Variants in REG1A observed in about 807,000 individuals in gnomAD.
REG1A encodes regenerating family member 1 alpha, also known as lithostathine-1-alpha.
A neutral mutation model predicts 20.7 loss-of-function variants in REG1A; 20 were observed. The observed-to-expected ratio is 0.97, with a 90% CI of 0.68 to 1.41. REG1A has a LOEUF of 1.41. Ranked by LOEUF, REG1A falls within the 40% of genes most tolerant of loss-of-function variation. The pLI, the probability that REG1A is intolerant of heterozygous loss-of-function variation, is 0.00. For synonymous variants in REG1A, 90 were observed against 71.6 expected, an observed-to-expected ratio of 1.26 and a Z score of -1.30; for missense variants, 193 against 201.8, an observed-to-expected ratio of 0.96 and a Z score of 0.26.
rs758319248 is a variant in REG1A, at chr2:79,121,627, C to G, written c.130C>G (p.Arg44Gly). 7 of 1,613,914 alleles carry G rather than the reference C, an allele frequency of 4.3e-6. No homozygotes were observed. In the East Asian group the frequency reaches 1.3e-4, roughly 31 times the overall value. The change falls in exon 3 of 6, where the codon CGC becomes GGC. Residue 44 changes from arginine to glycine, a missense_variant. Coordinates refer to ENST00000233735, the MANE Select transcript of REG1A (RefSeq NM_002909.5). ...ISCPEGTNAY[R>G]SYCYYFNEDR... ...CTGCCCAGAAGGCACCAATGCCTATCGCTCCTACTGCTACTACTTTAATGA... is the reference window on the plus strand; with the variant it reads ...CTGCCCAGAAGGCACCAATGCCTATGGCTCCTACTGCTACTACTTTAATGA...
chr2:79,123,094 G>A, intron 5 of REG1A, 54 bp from the exon 6 acceptor site: 2 of 1,505,874 alleles, frequency 1.3e-6, no homozygotes, highest in Non-Finnish European at 9.2e-7. Context: ...CTAAAGCCAG[G>A]AGGGTCATAC....
chr2:79,120,947 C>T, intron 2 of REG1A, 22 bp downstream of exon 2: 1 of 1,604,030 alleles, frequency 6.2e-7, no homozygotes, highest in Non-Finnish European at 8.5e-7. Context: ...TTTCCACCAA[C>T]CAACTCTTTC....
intron 1 of REG1A, 105 bp downstream of exon 1, chr2:79,120,619 T>G (rs283890): frequency 0.49 from 187,603 of 384,974 alleles, 46,817 homozygotes; most frequent in South Asian, 0.61. Flanking sequence ...TTAGCTGTAA[T>G]GAAGCCTCAG....
intron 4 of REG1A, 70 bp from the exon 5 acceptor site, chr2:79,122,771 G>A: frequency 1.0e-6 from 1 of 998,756 alleles, no homozygotes; most frequent in Non-Finnish European, 1.6e-6. Flanking sequence ...TTCTGAGTGT[G>A]CACACAGGCC....
chr2:79,121,471 G>A lies in REG1A; in HGVS notation c.65-91G>A, dbSNP rs1452899385. 4 of 991,072 alleles carry A rather than the reference G, an allele frequency of 4.0e-6. No individual in the cohort carries two copies. The East Asian group carries it at 7.1e-5, about 18-fold the overall frequency. 61.4% of individuals were successfully genotyped at this position (991,072 alleles called of 1,614,324 possible). On this transcript the variant is annotated intron_variant, in intron 2 of 5. Coordinates refer to ENST00000233735, the MANE Select transcript of REG1A (RefSeq NM_002909.5). ...ATCCCATAATAGACTGGATTCTTCT[G>A]TTTCTATAAAGGAACCTCAGAAGCT...
At chr2:79,122,502 A>G (rs1368667236) in intron 4 of REG1A, among the ~76,000 whole-genome samples, 2 of 152,176 alleles carry the variant, frequency 1.3e-5, no homozygotes, top group African/African-American at 4.8e-5. Context: ...ACCTGGTAGT[A>G]TACTAAATAA....
rs1261742733 is a variant in REG1A at position 79,120,806 on chromosome 2, T to G, written c.-46-10T>G. On this transcript the variant is annotated splice_polypyrimidine_tract_variant and intron_variant, in intron 1 of 5. Transcript: ENST00000233735. ...TCTCTCAGAACCCCCTTCTCTGTGT[T>G]CTCCTATAGAGATTGTTGATTTGCC... The G allele has an allele frequency of 2.0e-5, 27 of 1,380,540 alleles. No homozygotes were observed. Among genetic ancestry groups the G allele is most frequent in the Non-Finnish European group, 2.6e-5 (26 of 1,002,078 alleles). The allele number at this position is 1,380,540 out of a possible 1,614,324, so 85.5% of individuals were successfully genotyped here. A position where few individuals can be genotyped will look rare whatever the true frequency, so the allele number is the denominator to read the frequency against.
intron 4 of REG1A, 141 bp from the exon 5 acceptor site, chr2:79,122,700 A>G (rs1383420298): frequency 2.1e-5 from 14 of 665,706 alleles, no homozygotes; most frequent in Non-Finnish European, 3.8e-5. Context: ...GTTTAGAGCA[A>G]TAGCAAAGGA....
rs1263232216 is a variant in REG1A at position 79,122,919 on chromosome 2, C to A, written c.400C>A (p.Pro134Thr). The change falls in exon 5 of 6, where the codon CCT (proline) becomes ACT (threonine). Residue 134 changes from proline (P) to threonine (T), a missense_variant. Pro to Thr is a conservative substitution (Grantham distance 38, BLOSUM62 -1). Coordinates refer to ENST00000233735, the MANE Select transcript of REG1A (RefSeq NM_002909.5). ...WGIGAPSSVN[P>T]GYCVSLTSST... ...CATTGGAGCCCCAAGCAGTGTTAAT[C>A]CTGGCTACTGTGTGAGCCTGACCTC... 2 of 1,614,064 alleles carry A rather than the reference C, an allele frequency of 1.2e-6. No homozygotes were observed. The highest frequency in any genetic ancestry group is 3.3e-5 in the Admixed American group (2 of 60,002).
chr2:79,121,785 C>G, intron 3 of REG1A, 105 bp downstream of exon 3: 1 of 1,334,342 alleles, frequency 7.5e-7, no homozygotes, highest in Non-Finnish European at 1.1e-6. Flanking sequence ...GAACCCCTTG[C>G]TATACTATCA....
Position 79,121,559 on chromosome 2 carries a change from C to G in REG1A, c.65-3C>G, listed in dbSNP as rs1176757551. 2 of 1,612,778 alleles carry G rather than the reference C, an allele frequency of 1.2e-6. No individual in the cohort carries two copies. Among genetic ancestry groups the G allele is most frequent in the South Asian group, 2.2e-5 (2 of 91,044 alleles). ...CCTCCTTTAATTGTCTCTTCTTTTTCAGGCCAAGAGGCCCAGACAGAGTTG... is the reference window on the plus strand; with the variant it reads ...CCTCCTTTAATTGTCTCTTCTTTTTGAGGCCAAGAGGCCCAGACAGAGTTG... On this transcript the variant is annotated splice_polypyrimidine_tract_variant and splice_region_variant and intron_variant, in intron 2 of 5. Transcript: ENST00000233735.
intron 2 of REG1A, among the ~76,000 whole-genome samples, chr2:79,121,195 G>A (rs1672881431): frequency 6.6e-6 from 1 of 152,138 alleles, no homozygotes; most frequent in African/African-American, 2.4e-5. Context: ...ACGTGATGGT[G>A]GATTTGGGGA....
intron 2 of REG1A, 126 bp from the exon 3 acceptor site, chr2:79,121,436 G>C (rs1015052545): frequency 5.3e-5 from 40 of 760,062 alleles, no homozygotes; most frequent in Non-Finnish European, 8.3e-5. Context: ...AGGAGCAATA[G>C]TGAGCAGTCA....
intron 5 of REG1A, 65 bp from the exon 6 acceptor site, chr2:79,123,083 C>T: frequency 6.8e-7 from 1 of 1,479,266 alleles, no homozygotes; most frequent in South Asian, 1.2e-5. Context: ...TGTCCTGAGT[C>T]CTAAAGCCAG....
chr2:79,121,471 G>T, intron 2 of REG1A, 91 bp from the exon 3 acceptor site: 1 of 991,188 alleles, frequency 1.0e-6, no homozygotes. Flanking sequence ...GGATTCTTCT[G>T]TTTCTATAAA....
chr2:79,122,928 T>C lies in REG1A; in HGVS notation c.409T>C (p.Cys137Arg). ...CCCAAGCAGTGTTAATCCTGGCTAC[T>C]GTGTGAGCCTGACCTCAAGCACAGG... ...GAPSSVNPGYCVSLTSSTGFQ... is the reference protein window; with the variant it reads ...GAPSSVNPGYRVSLTSSTGFQ... Residue 137 changes from cysteine to arginine, a missense_variant, in exon 5 of 6, where the codon TGT becomes CGT. By Grantham distance (180) the Cys-to-Arg change is radical. Transcript: ENST00000233735. The C allele has an allele frequency of 6.2e-7, 1 of 1,613,964 alleles. No individual in the cohort carries two copies. Among genetic ancestry groups the C allele is most frequent in the Non-Finnish European group, 8.5e-7 (1 of 1,179,850 alleles).
At position 79,120,605 on chromosome 2, in the gene REG1A, G is replaced by C. The variant is rs550699309; in HGVS notation, c.-47+91G>C. The C allele has an allele frequency of 7.9e-6, 3 of 378,004 alleles. No individual in the cohort carries two copies. In the East Asian group the frequency reaches 1.1e-4, roughly 14 times the overall value. 23.4% of individuals were successfully genotyped at this position (378,004 alleles called of 1,614,324 possible). The stretch of plus-strand genomic sequence containing the variant: ...ATACAGCATGAGTTTCTGTCCAAGA[G>C]GTTTTAGCTGTAATGAAGCCTCAGT... On this transcript the variant is annotated intron_variant, in intron 1 of 5. Transcript: ENST00000233735.
intron 4 of REG1A, among the ~76,000 whole-genome samples, chr2:79,122,406 A>G (rs761254772): frequency 2.4e-4 from 36 of 152,200 alleles, no homozygotes; most frequent in Non-Finnish European, 4.3e-4. Context: ...TGTTACTGTC[A>G]GAGTCACAAG....
intron 2 of REG1A, 23 bp from the exon 3 acceptor site, chr2:79,121,539 T>C (rs749640791): frequency 2.2e-5 from 35 of 1,599,950 alleles, no homozygotes; most frequent in Non-Finnish European, 2.8e-5. Flanking sequence ...GAGAGCCTCC[T>C]TTAATTGTCT....
Sources: gnomAD v4.1 joint callset for allele counts (sites outside exome capture counted in the v4.1 genomes callset) on GRCh38, gnomAD v4.1.1 for gene constraint, MANE v1.5 for transcripts, NCBI Gene and HGNC (gene_info 2026-07-23, HGNC 2026-07-21) for gene names.